The following KCNMA1 variants were observed in gnomAD, a reference collection of about 807,000 sequenced individuals.
The protein encoded by KCNMA1 is potassium calcium-activated channel subfamily M alpha 1.
KCNMA1 carries 29 observed loss-of-function variants against 140.0 expected under a neutral mutation model. That is an observed-to-expected ratio of 0.21 (90% confidence interval 0.15 to 0.28). The LOEUF (loss-of-function observed/expected upper bound fraction) is 0.28, where lower values mean the gene tolerates loss of function less well. KCNMA1 is among the 10% of genes least tolerant of loss of function. The pLI, the probability that KCNMA1 is intolerant of heterozygous loss-of-function variation, is 1.00. For missense variants in KCNMA1, 880 were observed against 1,602.2 expected, an observed-to-expected ratio of 0.55 and a Z score of 7.70; for synonymous variants, 612 against 611.9, an observed-to-expected ratio of 1.00 and a Z score of 0.00.
At chr10:77,008,314 C>T in intron 18 of KCNMA1, 1 of 958,858 alleles carries the variant, frequency 1.0e-6, no homozygotes, top group Non-Finnish European at 1.5e-6. Context: ...ACACATCAAA[C>T]TAGACATTAC....
At position 77,581,454 on chromosome 10, in the gene KCNMA1, C is replaced by T. The variant is rs1327384941; in HGVS notation, c.378+55811G>A. On this transcript the variant is annotated intron_variant, in intron 1 of 27. Transcript: ENST00000286628. ...CTCAGTAGCTGGGACTACAGGTGCCCGCCACCACGCCTGTTTAATTTTTTG... is the reference window on the plus strand; with the variant it reads ...CTCAGTAGCTGGGACTACAGGTGCCTGCCACCACGCCTGTTTAATTTTTTG... Among the ~76,000 whole-genome samples the T allele has an allele frequency of 2.6e-5, 4 of 152,236 alleles. No homozygotes were observed. In the East Asian group the frequency reaches 5.8e-4, roughly 22 times the overall value.
intron 1 of KCNMA1, among the ~76,000 whole-genome samples, chr10:77,467,158 C>A (rs1380026726): frequency 6.6e-6 from 1 of 152,100 alleles, no homozygotes; most frequent in Non-Finnish European, 1.5e-5. Flanking sequence ...TGGCTCTTGG[C>A]CTTATAGATT....
intron 20 of KCNMA1, among the ~76,000 whole-genome samples, chr10:76,967,263 A>C (rs1379754567): frequency 6.6e-6 from 1 of 152,222 alleles, no homozygotes; most frequent in African/African-American, 2.4e-5. Context: ...CTCATGTCGA[A>C]AAATCCACTT....
intron 1 of KCNMA1, among the ~76,000 whole-genome samples, chr10:77,431,983 C>A (rs1401320420): frequency 6.6e-6 from 1 of 151,510 alleles, no homozygotes; most frequent in Admixed American, 6.6e-5. Flanking sequence ...CAGAGCAAGA[C>A]TCTATCTCTG....
chr10:77,205,492 G>A (rs1219477964), intron 3 of KCNMA1, among the ~76,000 whole-genome samples: 2 of 152,058 alleles, frequency 1.3e-5, no homozygotes, highest in Admixed American at 6.6e-5. Flanking sequence ...TAACCCAAAG[G>A]GTCTCCTTGG....
chr10:77,498,400 G>A (rs796344846), intron 1 of KCNMA1, among the ~76,000 whole-genome samples: 6 of 152,254 alleles, frequency 3.9e-5, no homozygotes, highest in African/African-American at 1.2e-4. Context: ...TGACACAGCA[G>A]GTGGCAGCTC....
At chr10:76,890,168 A>C (rs1231983317) in intron 26 of KCNMA1, among the ~76,000 whole-genome samples, 1 of 152,168 alleles carries the variant, frequency 6.6e-6, no homozygotes, top group East Asian at 1.9e-4. Context: ...CAGGCTGAAT[A>C]ACTAGGATTC....
At chr10:77,554,719 C>T (rs2063775917) in intron 1 of KCNMA1, among the ~76,000 whole-genome samples, 1 of 152,044 alleles carries the variant, frequency 6.6e-6, no homozygotes. Flanking sequence ...TTTGCCTCTG[C>T]CCAAGGAGCC....
intron 5 of KCNMA1, among the ~76,000 whole-genome samples, chr10:77,137,143 G>T (rs563691011): frequency 1.3e-5 from 2 of 152,106 alleles, no homozygotes; most frequent in African/African-American, 2.4e-5. Context: ...CTGCTTCAGG[G>T]TTCCTGTGAT....
rs1236775792 is a variant in KCNMA1 at position 77,001,487 on chromosome 10, C to T, written c.2186G>A (p.Arg729His). Residue 729 changes from arginine to histidine, a missense_variant, in exon 19 of 28, where the codon CGT becomes CAT. Physicochemically the swap from Arg to His is conservative, Grantham distance 29 (BLOSUM62 0). This residue lies in a region of KCNMA1 where 196 missense variants were observed against 233.0 expected (regional missense o/e 0.84). Coordinates refer to ENST00000286628, the MANE Select transcript of KCNMA1 (RefSeq NM_001161352.2). Reference sequence around the variant, plus strand: ...TCTCTCAAGGGTGTCCACGTTACCACGCACACGGCCTGACATGCATGAGCA... The same window carrying T: ...TCTCTCAAGGGTGTCCACGTTACCATGCACACGGCCTGACATGCATGAGCA... ...RDCSCMSGRV[R>H]GNVDTLERAF... 1.3e-5 allele frequency: 20 copies of T among 1,551,852 alleles called. No homozygotes were observed. Among genetic ancestry groups the T allele is most frequent in the Middle Eastern group, 1.7e-4 (1 of 6,014 alleles).
intron 5 of KCNMA1, among the ~76,000 whole-genome samples, chr10:77,142,589 C>A (rs1313893271): frequency 6.6e-6 from 1 of 151,842 alleles, no homozygotes; most frequent in Non-Finnish European, 1.5e-5. Context: ...ATGGTGATGG[C>A]AATTTTTTTA....
At chr10:76,951,349 A>G (rs2066196589) in intron 21 of KCNMA1, among the ~76,000 whole-genome samples, 1 of 152,134 alleles carries the variant, frequency 6.6e-6, no homozygotes, top group Non-Finnish European at 1.5e-5. Flanking sequence ...TCATTTCTCT[A>G]TGTATCTGGA....
chr10:76,986,700 C>T (rs1456058972), intron 19 of KCNMA1, among the ~76,000 whole-genome samples: 1 of 152,204 alleles, frequency 6.6e-6, no homozygotes, highest in Non-Finnish European at 1.5e-5. Context: ...AAGGTGCACA[C>T]CCTGCCTTAA....
chr10:77,377,812 G>A (rs1418375353), intron 2 of KCNMA1, among the ~76,000 whole-genome samples: 2 of 152,180 alleles, frequency 1.3e-5, no homozygotes, highest in Non-Finnish European at 2.9e-5. Context: ...CATCCACTCT[G>A]AGCCCGAGTT....
chr10:77,633,336 G>T (rs1426391903), intron 1 of KCNMA1, among the ~76,000 whole-genome samples: 1 of 147,754 alleles, frequency 6.8e-6, no homozygotes, highest in Non-Finnish European at 1.5e-5. Context: ...TTAATAAAAG[G>T]AGAGAGAGAG....
intron 1 of KCNMA1, among the ~76,000 whole-genome samples, chr10:77,607,283 G>A (rs768417363): frequency 1.3e-5 from 2 of 152,158 alleles, no homozygotes; most frequent in African/African-American, 2.4e-5. Flanking sequence ...GGACTAGACC[G>A]ATCTTCCTAC....
At chr10:77,627,829 C>T (rs2092715332) in intron 1 of KCNMA1, among the ~76,000 whole-genome samples, 1 of 152,212 alleles carries the variant, frequency 6.6e-6, no homozygotes, top group African/African-American at 2.4e-5. Context: ...CATAAACACA[C>T]TGGTAGGGTG....
intron 5 of KCNMA1, among the ~76,000 whole-genome samples, chr10:77,163,495 A>G (rs955631833): frequency 2.0e-5 from 3 of 152,290 alleles, no homozygotes; most frequent in Admixed American, 1.3e-4. Context: ...TTGTTCACTC[A>G]GTGGCTATTT....
chr10:76,984,985 C>G (rs2080823789), intron 19 of KCNMA1, among the ~76,000 whole-genome samples: 1 of 152,184 alleles, frequency 6.6e-6, no homozygotes, highest in Non-Finnish European at 1.5e-5. Context: ...GGGTTTATTT[C>G]TAGAAAAGCA....
Sources: gnomAD v4.1 joint callset for allele counts (sites outside exome capture counted in the v4.1 genomes callset) on GRCh38, gnomAD v4.1.1 for gene constraint, gnomAD v4.1.1 regional missense constraint, MANE v1.5 for transcripts, NCBI Gene and HGNC (gene_info 2026-07-23, HGNC 2026-07-21) for gene names.